The following SH2D4A variants were observed in gnomAD, a reference collection of about 807,000 sequenced individuals.
The protein encoded by SH2D4A is SH2 domain containing 4A.
Under a neutral mutation model 64.7 loss-of-function variants are expected in SH2D4A, and 70 were observed. That is an observed-to-expected ratio of 1.08 (90% CI 0.89 to 1.32). SH2D4A has a LOEUF of 1.32. Among genes scored for constraint, SH2D4A ranks in the 40% most tolerant of loss-of-function variants. The pLI is 0.00. For synonymous variants in SH2D4A, 268 were observed against 200.7 expected (o/e 1.34, Z -2.83); for missense variants, 706 against 540.1 (o/e 1.31, Z -3.04).
intron 7 of SH2D4A, 84 bp from the exon 8 acceptor site, chr8:19,373,444 GTA>G (rs10692584): frequency 0.15 from 83,308 of 574,426 alleles, 936 homozygotes; most frequent in East Asian, 0.18. Context: ...ATGTGTGTGT[GTA>G]TATATATATA....
intron 4 of SH2D4A, among the ~76,000 whole-genome samples, chr8:19,337,381 G>A (rs933967949): frequency 2.0e-5 from 3 of 152,032 alleles, no homozygotes; most frequent in Admixed American, 6.6e-5. Flanking sequence ...TTTATCCCCC[G>A]AAATTTATGT....
At chr8:19,366,332 G>A (rs1008330386) in intron 7 of SH2D4A, among the ~76,000 whole-genome samples, 2 of 152,158 alleles carry the variant, frequency 1.3e-5, no homozygotes, top group African/African-American at 4.8e-5. Context: ...TCTTTTGGCT[G>A]TTTTGAAGTA....
intron 8 of SH2D4A, 92 bp from the exon 9 acceptor site, chr8:19,393,226 C>CTT: frequency 8.6e-7 from 1 of 1,169,018 alleles, no homozygotes; most frequent in Non-Finnish European, 1.3e-6. Flanking sequence ...ATTTAGGCGT[C>CTT]ATTGACTCTA....
intron 4 of SH2D4A, among the ~76,000 whole-genome samples, chr8:19,340,539 G>A (rs2052512798): frequency 6.6e-6 from 1 of 151,748 alleles, no homozygotes; most frequent in Admixed American, 6.6e-5. Flanking sequence ...GGATTTCCCA[G>A]GCTACTTGCA....
chr8:19,351,861 G>A (rs2052710463), intron 4 of SH2D4A, among the ~76,000 whole-genome samples: 1 of 152,024 alleles, frequency 6.6e-6, no homozygotes, highest in Admixed American at 6.6e-5. Context: ...TTGGCTCACT[G>A]CAACCTCTGC....
chr8:19,337,447 TTAAAG>T (rs1327362901), intron 4 of SH2D4A, among the ~76,000 whole-genome samples: 3 of 152,068 alleles, frequency 2.0e-5, no homozygotes, highest in African/African-American at 4.8e-5. Flanking sequence ...GCAGATGTAA[TTAAAG>T]TAAAGGATCT....
chr8:19,330,059 G>C (rs1231237648), intron 2 of SH2D4A, among the ~76,000 whole-genome samples: 1 of 152,144 alleles, frequency 6.6e-6, no homozygotes, highest in East Asian at 1.9e-4. Context: ...GCAGGGGAAT[G>C]GGCACATCTC....
intron 4 of SH2D4A, among the ~76,000 whole-genome samples, chr8:19,338,651 A>G (rs545095856): frequency 6.6e-6 from 1 of 152,332 alleles, no homozygotes; most frequent in East Asian, 1.9e-4. Flanking sequence ...AGAAGTTGGA[A>G]GAGGCAAGGA....
intron 8 of SH2D4A, among the ~76,000 whole-genome samples, chr8:19,392,330 C>G (rs879311144): frequency 8.5e-5 from 13 of 152,158 alleles, no homozygotes; most frequent in African/African-American, 2.9e-4. Flanking sequence ...TGACTTGGCT[C>G]TGTCACTAAA....
intron 4 of SH2D4A, among the ~76,000 whole-genome samples, chr8:19,345,954 G>T (rs1263627941): frequency 6.6e-6 from 1 of 152,212 alleles, no homozygotes; most frequent in Non-Finnish European, 1.5e-5. Context: ...GCTGCTACAG[G>T]CTTTGGAAAC....
At chr8:19,325,576 C>CT (rs1412458909) in intron 2 of SH2D4A, among the ~76,000 whole-genome samples, 1 of 152,148 alleles carries the variant, frequency 6.6e-6, no homozygotes, top group Non-Finnish European at 1.5e-5. Flanking sequence ...TTGGGTAACA[C>CT]TGTCAACTTC....
chr8:19,342,117 A>C (rs1156849904), intron 4 of SH2D4A, among the ~76,000 whole-genome samples: 1 of 152,214 alleles, frequency 6.6e-6, no homozygotes, highest in Admixed American at 6.5e-5. Context: ...CTGCCAGAAG[A>C]AGTCCAAATA....
At chr8:19,375,340 G>A (rs1437175217) in intron 8 of SH2D4A, 3 of 151,932 alleles carry the variant, frequency 2.0e-5, no homozygotes, top group Non-Finnish European at 4.4e-5. Flanking sequence ...AAATATAATC[G>A]CTTATCACCG....
At chr8:19,376,837 G>C (rs1191921935) in intron 8 of SH2D4A, among the ~76,000 whole-genome samples, 1 of 152,062 alleles carries the variant, frequency 6.6e-6, no homozygotes, top group Non-Finnish European at 1.5e-5. Flanking sequence ...AATGAAGCTA[G>C]ATTTAAGTTC....
Position 19,319,560 on chromosome 8 carries a change from A to G in SH2D4A, c.13A>G (p.Ile5Val), listed in dbSNP as rs746236040. The G allele has an allele frequency of 1.9e-6, 3 of 1,551,100 alleles. No individual in the cohort carries two copies. Among genetic ancestry groups the G allele is most frequent in the African/African-American group, 1.4e-5 (1 of 71,662 alleles). Residue 5 changes from isoleucine (I) to valine (V), a missense_variant, in exon 2 of 10, where the codon ATA (isoleucine) becomes GTA (valine). Ile to Val is a conservative substitution (Grantham distance 29). Transcript: ENST00000265807. The stretch of plus-strand genomic sequence containing the variant: ...CAGAAGTGCAAAGATGCTGAAACAG[A>G]TACTGTCGGAGATGTACATAGATCC... MLKQILSEMYIDPDL... is the reference protein window; with the variant it reads MLKQVLSEMYIDPDL...
At chr8:19,357,786 C>T (rs2052816479) in intron 5 of SH2D4A, among the ~76,000 whole-genome samples, 1 of 152,176 alleles carries the variant, frequency 6.6e-6, no homozygotes, top group Non-Finnish European at 1.5e-5. Context: ...GCCCTGCTTC[C>T]TCCGTCGTGT....
chr8:19,328,759 A>G (rs2052324328), intron 2 of SH2D4A, among the ~76,000 whole-genome samples: 1 of 152,240 alleles, frequency 6.6e-6, no homozygotes, highest in African/African-American at 2.4e-5. Flanking sequence ...AAAGAATGTG[A>G]AAATAATACA....
At chr8:19,369,818 T>C (rs1360895503) in intron 7 of SH2D4A, among the ~76,000 whole-genome samples, 1 of 152,058 alleles carries the variant, frequency 6.6e-6, no homozygotes, top group East Asian at 1.9e-4. Flanking sequence ...ATTTTATCTA[T>C]TTATGCTCTG....
intron 7 of SH2D4A, among the ~76,000 whole-genome samples, chr8:19,369,971 C>G (rs113548264): frequency 0.018 from 2,782 of 152,142 alleles, 99 homozygotes; most frequent in African/African-American, 0.063. Context: ...ACTCTTAGAA[C>G]TGCTTTTGCT....
Sources: gnomAD v4.1 joint callset for allele counts (sites outside exome capture counted in the v4.1 genomes callset) on GRCh38, gnomAD v4.1.1 for gene constraint, MANE v1.5 for transcripts, NCBI Gene and HGNC (gene_info 2026-07-23, HGNC 2026-07-21) for gene names.